Variants in USP34 observed in about 807,000 individuals in gnomAD.
The protein encoded by USP34 is ubiquitin specific peptidase 34.
USP34 carries 70 observed loss-of-function variants against 460.3 expected under a neutral mutation model. The ratio of observed to expected loss-of-function variants is 0.15; its 90% CI spans 0.13 to 0.19. USP34 has a LOEUF of 0.19. Ranked by LOEUF, USP34 falls within the 10% of genes least tolerant of loss-of-function variation. The pLI is 1.00. For synonymous variants in USP34, 1,647 were observed against 1,405.3 expected, an observed-to-expected ratio of 1.17 and a Z score of -3.85; for missense variants, 3,985 against 4,236.2, an observed-to-expected ratio of 0.94 and a Z score of 1.65.
At chr2:61,216,634 T>C (rs1320176795) in intron 67 of USP34, among the ~76,000 whole-genome samples, 4 of 143,954 alleles carry the variant, frequency 2.8e-5, no homozygotes, top group African/African-American at 1.0e-4. Flanking sequence ...AAAAAAACCA[T>C]TTGGCTGGGT....
chr2:61,351,033 G>A (rs116736699), intron 10 of USP34, among the ~76,000 whole-genome samples: 94 of 152,226 alleles, frequency 6.2e-4, no homozygotes, highest in African/African-American at 1.6e-3. Context: ...GATCAGTCTG[G>A]GCAACATAGT....
intron 1 of USP34, among the ~76,000 whole-genome samples, chr2:61,464,195 T>C (rs1405813417): frequency 6.6e-6 from 1 of 152,136 alleles, no homozygotes; most frequent in Non-Finnish European, 1.5e-5. Context: ...GGCAGGCGCC[T>C]CTAATTCCAG....
intron 10 of USP34, among the ~76,000 whole-genome samples, chr2:61,359,728 T>C (rs887059425): frequency 6.8e-6 from 1 of 146,706 alleles, no homozygotes; most frequent in East Asian, 2.0e-4. Context: ...AGAACAGGCA[T>C]AGAAGGAACT....
intron 13 of USP34, 90 bp from the exon 14 acceptor site, chr2:61,348,976 T>A (rs777231904): frequency 2.3e-5 from 32 of 1,399,862 alleles, no homozygotes; most frequent in Non-Finnish European, 2.9e-5. Context: ...CTTGACCTAG[T>A]TACCAAAGCT....
chr2:61,420,500 A>T (rs1694324442), intron 2 of USP34, among the ~76,000 whole-genome samples: 1 of 152,146 alleles, frequency 6.6e-6, no homozygotes, highest in Admixed American at 6.6e-5. Context: ...ACTTTTCAGA[A>T]TTTCTGTGAC....
rs1279623290 is a variant in USP34 at position 61,350,400 on chromosome 2, G to T, written c.1378-11C>A. ...TGCCAAGTACAGTGTCTAAAAAAAA[G>T]AGGGAGAGATTTCAGTTTGAGAATT... is the stretch of plus-strand genomic sequence containing the variant. On this transcript the variant is annotated splice_polypyrimidine_tract_variant and intron_variant, in intron 11 of 79. Transcript: ENST00000398571. 1.9e-6 allele frequency: 3 copies of T among 1,597,724 alleles called. No individual in the cohort carries two copies. In the Admixed American group the frequency reaches 5.3e-5, roughly 28 times the overall value.
At chr2:61,332,723 A>T (rs549151446) in intron 19 of USP34, among the ~76,000 whole-genome samples, 1 of 151,978 alleles carries the variant, frequency 6.6e-6, no homozygotes, top group East Asian at 1.9e-4. Context: ...GCTTTCCCTT[A>T]CCCCTCCTTT....
rs76416549 is a variant in USP34 at position 61,192,086 on chromosome 2, C to T, written c.9588+815G>A. Among the ~76,000 whole-genome samples the T allele has an allele frequency of 8.8e-3, 1,334 of 152,274 alleles. 20 individuals are homozygous for T. Among genetic ancestry groups the T allele is most frequent in the African/African-American group, 0.03 (1,255 of 41,540 alleles). On this transcript the variant is annotated intron_variant, in intron 76 of 79. Coordinates refer to ENST00000398571, the MANE Select transcript of USP34 (RefSeq NM_014709.4). ...AGGATGGCAAACATCTAGGAGAATC[C>T]AGAGCACACTACAGCCTGGTAGGAG...
chr2:61,197,162 C>T (rs1171970576), intron 75 of USP34, among the ~76,000 whole-genome samples: 1 of 152,088 alleles, frequency 6.6e-6, no homozygotes, highest in Non-Finnish European at 1.5e-5. Context: ...CCCAGCTACT[C>T]AGGAGGCTGA....
chr2:61,267,216 A>C (rs1224215479), intron 41 of USP34, among the ~76,000 whole-genome samples: 4 of 152,122 alleles, frequency 2.6e-5, no homozygotes, highest in Non-Finnish European at 4.4e-5. Flanking sequence ...TGCTGTAATA[A>C]ATCTTAGCCA....
At chr2:61,460,302 C>G (rs930876304) in intron 1 of USP34, among the ~76,000 whole-genome samples, 6 of 152,178 alleles carry the variant, frequency 3.9e-5, no homozygotes, top group African/African-American at 1.4e-4. Context: ...GCCGTCCCGT[C>G]TAGGATGTGA....
At position 61,314,730 on chromosome 2, in the gene USP34, C is replaced by G. The variant is rs761048173; in HGVS notation, c.3397G>C (p.Glu1133Gln). ...SYYINGKTGL[E>Q]KEQEFISKCM... is the part of the protein sequence containing the mutation. Reference sequence around the variant, plus strand: ...TTACTAATAAATTCTTGCTCCTTCTCCAAACCTGTTTTACCTGAAAGCCAA... The same window carrying G: ...TTACTAATAAATTCTTGCTCCTTCTGCAAACCTGTTTTACCTGAAAGCCAA... Residue 1133 changes from glutamate (E) to glutamine (Q), a missense_variant, in exon 25 of 80, where the codon GAG becomes CAG. Transcript: ENST00000398571. 1.3e-6 allele frequency: 2 copies of G among 1,581,362 alleles called. No individual in the cohort carries two copies. Among genetic ancestry groups the G allele is most frequent in the Non-Finnish European group, 1.7e-6 (2 of 1,168,364 alleles).
chr2:61,273,809 A>G (rs1224607188), intron 41 of USP34, among the ~76,000 whole-genome samples: 1 of 152,218 alleles, frequency 6.6e-6, no homozygotes, highest in Non-Finnish European at 1.5e-5. Context: ...ATAAGATGAA[A>G]CAGAAAGTCC....
At chr2:61,292,685 C>G (rs373603294) in intron 33 of USP34, among the ~76,000 whole-genome samples, 1 of 152,082 alleles carries the variant, frequency 6.6e-6, no homozygotes, top group African/African-American at 2.4e-5. Context: ...CAAAAAACCA[C>G]AGGAACTAAG....
At chr2:61,293,920 C>T (rs1651943883) in intron 32 of USP34, among the ~76,000 whole-genome samples, 1 of 152,112 alleles carries the variant, frequency 6.6e-6, no homozygotes, top group Non-Finnish European at 1.5e-5. Context: ...GAGGCTGAGG[C>T]AGGAGGATCA....
At chr2:61,339,312 T>A in intron 18 of USP34, 39 bp downstream of exon 18, 2 of 1,589,044 alleles carry the variant, frequency 1.3e-6, no homozygotes, top group African/African-American at 2.7e-5. Flanking sequence ...ACCCAAATAC[T>A]TTGACTACTG....
intron 75 of USP34, among the ~76,000 whole-genome samples, chr2:61,195,381 A>AC (rs1553348211): frequency 6.6e-6 from 1 of 151,448 alleles, no homozygotes; most frequent in Non-Finnish European, 1.5e-5. Context: ...AAAAAAAAAA[A>AC]AAATCAGCCA....
intron 3 of USP34, among the ~76,000 whole-genome samples, chr2:61,401,450 C>A (rs879501298): frequency 6.6e-6 from 1 of 151,394 alleles, no homozygotes; most frequent in Non-Finnish European, 1.5e-5. Flanking sequence ...GTTGCCCAGC[C>A]TAGACTTAAA....
At chr2:61,429,681 G>T (rs1457338182) in intron 1 of USP34, among the ~76,000 whole-genome samples, 1 of 151,866 alleles carries the variant, frequency 6.6e-6, no homozygotes, top group African/African-American at 2.4e-5. Flanking sequence ...AAAAGAAACC[G>T]ACTACTGATG....
Sources: allele counts gnomAD v4.1 joint callset (sites outside exome capture counted in the v4.1 genomes callset), GRCh38; gene constraint gnomAD v4.1.1; transcripts MANE v1.5; gene names NCBI Gene and HGNC (gene_info 2026-07-23, HGNC 2026-07-21).